PSMC2: variants seen among roughly 807,000 people sequenced by gnomAD.
PSMC2 encodes the protein 26S proteasome regulatory subunit 7.
In PSMC2, 7 loss-of-function variants were observed where a neutral mutation model predicts 53.3. The ratio of observed to expected loss-of-function variants is 0.13; its 90% confidence interval spans 0.07 to 0.25. The LOEUF (loss-of-function observed/expected upper bound fraction) is 0.25, where lower values mean the gene tolerates loss of function less well. Ranked by LOEUF, PSMC2 falls within the 10% of genes least tolerant of loss-of-function variation. PSMC2 has a pLI of 1.00. For missense variants in PSMC2, 241 were observed against 544.0 expected, an observed-to-expected ratio of 0.44 and a Z score of 5.54; for synonymous variants, 169 against 183.9, an observed-to-expected ratio of 0.92 and a Z score of 0.66.
At chr7:103,350,593 A>G (rs981021349) in intron 1 of PSMC2, among the ~76,000 whole-genome samples, 4 of 151,996 alleles carry the variant, frequency 2.6e-5, no homozygotes, top group Non-Finnish European at 5.9e-5. Flanking sequence ...GGCTAAAACC[A>G]TTCTCCTGCC....
chr7:103,367,887 T>G lies in PSMC2; in HGVS notation c.1145-10T>G. ...TAATTAAGCCCGTTTATTTTCTTTT[T>G]GTTTGAAAGGTGCTGAGATTAGAAG... On this transcript the variant is annotated splice_polypyrimidine_tract_variant and intron_variant, in intron 11 of 11. Transcript: ENST00000292644. The surrounding 1 kb of genome is among the most constrained non-coding windows in gnomAD (Gnocchi z 6.1). 1.9e-6 allele frequency: 3 copies of G among 1,611,682 alleles called. No homozygotes were observed. Among genetic ancestry groups the G allele is most frequent in the Non-Finnish European group, 2.5e-6 (3 of 1,179,082 alleles).
intron 1 of PSMC2, chr7:103,348,772 G>A (rs879097796): frequency 9.9e-7 from 1 of 1,010,966 alleles, no homozygotes; most frequent in Non-Finnish European, 1.6e-6. Flanking sequence ...GTTGGACTAA[G>A]TGATCTTCCT....
rs764475256 is a variant in PSMC2 at position 103,355,678 on chromosome 7, A to T, written c.191-16A>T. ...GCATTACATTTTAGTAAATTTTGTC[A>T]TCTTTCTCTATGTAGGTATTAAAGA... On this transcript the variant is annotated splice_polypyrimidine_tract_variant and intron_variant, in intron 3 of 11. Transcript: ENST00000292644. The T allele has an allele frequency of 1.3e-6, 2 of 1,596,348 alleles. No homozygotes were observed. The highest frequency in any genetic ancestry group is 2.2e-5 in the South Asian group (2 of 90,664).
intron 4 of PSMC2, among the ~76,000 whole-genome samples, chr7:103,357,324 C>G (rs1820092613): frequency 7.4e-6 from 1 of 135,392 alleles, no homozygotes; most frequent in Admixed American, 7.7e-5. Flanking sequence ...GATACTCTGT[C>G]TCAAAAAAAA....
At chr7:103,356,857 A>C (rs1820063775) in intron 4 of PSMC2, among the ~76,000 whole-genome samples, 1 of 152,180 alleles carries the variant, frequency 6.6e-6, no homozygotes, top group African/African-American at 2.4e-5. Flanking sequence ...CAAGGCTATA[A>C]ACATATTCTC....
intron 1 of PSMC2, chr7:103,352,739 T>C: frequency 1.4e-6 from 1 of 734,248 alleles, no homozygotes; most frequent in South Asian, 1.5e-5. Flanking sequence ...GGTAGATTCA[T>C]TTTTTCTTTA....
intron 6 of PSMC2, 36 bp downstream of exon 6, chr7:103,362,794 CTTT>C (rs368268286): frequency 0.014 from 11,625 of 818,636 alleles, no homozygotes; most frequent in East Asian, 0.018. Context: ...AAGGCTATGT[CTTT>C]TTTTTTTTTT....
chr7:103,362,878 C>T, intron 6 of PSMC2, 120 bp downstream of exon 6: 1 of 734,032 alleles, frequency 1.4e-6, no homozygotes, highest in East Asian at 2.8e-5. Context: ...ACTGCAACCT[C>T]TGCCTCCCGG....
intron 1 of PSMC2, chr7:103,348,811 A>G (rs1202075262): frequency 4.1e-6 from 3 of 728,978 alleles, no homozygotes; most frequent in East Asian, 2.6e-5. Flanking sequence ...CATCTACCCA[A>G]TGGAAAACCA....
In PSMC2 at chr7:103,367,529, A is replaced by G; in HGVS notation, c.961A>G (p.Thr321Ala). The G allele has an allele frequency of 6.2e-7, 1 of 1,614,178 alleles. No homozygotes were observed. The highest frequency in any genetic ancestry group is 8.5e-7 in the Non-Finnish European group (1 of 1,180,028). ...AGGCAATATTAAAGTGCTGATGGCC[A>G]CTAACAGACCTGATACTTTGGATCC... is the stretch of plus-strand genomic sequence containing the variant. ...PRGNIKVLMA[T>A]NRPDTLDPAL... The change falls in exon 10 of 12, where the codon ACT becomes GCT. Residue 321 changes from threonine (T) to alanine (A), a missense_variant. Physicochemically the swap from Thr to Ala is moderately conservative, Grantham distance 58. Coordinates refer to ENST00000292644, the MANE Select transcript of PSMC2 (RefSeq NM_002803.4). This position sits in a 1 kb window ranked among gnomAD's most constrained non-coding sequence, Gnocchi z 6.1.
chr7:103,353,041 TA>T (rs1819813767), intron 1 of PSMC2: 2 of 767,986 alleles, frequency 2.6e-6, no homozygotes, highest in South Asian at 1.4e-5. Flanking sequence ...GGATTACAAA[TA>T]AATTTGAGCA....
At chr7:103,347,885 C>A in intron 1 of PSMC2, 104 bp downstream of exon 1, 2 of 1,250,322 alleles carry the variant, frequency 1.6e-6, no homozygotes, top group Non-Finnish European at 2.3e-6. Context: ...TGTGCTCTGG[C>A]CCTTTTGTGC....
At chr7:103,361,510 CAAAAAAA>C (rs759044767) in intron 4 of PSMC2, among the ~76,000 whole-genome samples, 15 of 51,104 alleles carry the variant, frequency 2.9e-4, no homozygotes, top group African/African-American at 7.1e-4. Context: ...AACTCCATCT[CAAAAAAA>C]AAAAAAAAAA....
In PSMC2 at chr7:103,358,696, T is replaced by TG. The variant is rs1820183376; in HGVS notation, c.290+2903_290+2904insG. 2.0e-5 allele frequency among the ~76,000 whole-genome samples: 3 copies of TG among 152,230 alleles called. No individual in the cohort carries two copies. In the South Asian group the frequency reaches 6.2e-4, roughly 32 times the overall value. ...GTGTGTTGAATGTTCTGCTCTTATA[T>TG]CATGGTTGTAATATGTTCTTATCTC... On this transcript the variant is annotated intron_variant, in intron 4 of 11. Coordinates refer to ENST00000292644, the MANE Select transcript of PSMC2 (RefSeq NM_002803.4).
At chr7:103,360,453 A>G (rs1166870903) in intron 4 of PSMC2, among the ~76,000 whole-genome samples, 1 of 152,114 alleles carries the variant, frequency 6.6e-6, no homozygotes, top group Admixed American at 6.5e-5. Flanking sequence ...TTATGCTATC[A>G]GGACAAAGCA....
intron 5 of PSMC2, chr7:103,362,411 GTC>G (rs1820463715): frequency 7.5e-7 from 1 of 1,341,688 alleles, no homozygotes; most frequent in Non-Finnish European, 9.5e-7. Flanking sequence ...GTGTGTTAAT[GTC>G]TATAGAATAC....
In PSMC2 at chr7:103,365,701, G is replaced by T. The variant is rs539341434; in HGVS notation, c.757-375G>T. On this transcript the variant is annotated intron_variant, in intron 8 of 11. Transcript: ENST00000292644. ...TCCCAGCACTTTGGGAGGCTGAGAC[G>T]GGTGGAACATGAGGTCAGGAGTTCA... Among the ~76,000 whole-genome samples the T allele has an allele frequency of 8.5e-4, 130 of 152,174 alleles. 1 individual carries two copies. The South Asian group carries it at 0.026, about 30-fold the overall frequency.
At chr7:103,350,793 AG>A (rs1406456197) in intron 1 of PSMC2, among the ~76,000 whole-genome samples, 1 of 151,986 alleles carries the variant, frequency 6.6e-6, no homozygotes, top group Non-Finnish European at 1.5e-5. Flanking sequence ...CTACCATGCC[AG>A]GCTCTTATTT....
intron 8 of PSMC2, 27 bp from the exon 9 acceptor site, chr7:103,366,049 G>A: frequency 6.4e-7 from 1 of 1,563,282 alleles, no homozygotes; most frequent in Non-Finnish European, 8.7e-7. Flanking sequence ...AACCAATTTT[G>A]AATTAATAAA....
Sources: allele counts gnomAD v4.1 joint callset (sites outside exome capture counted in the v4.1 genomes callset), GRCh38; gene constraint gnomAD v4.1.1; non-coding constraint Gnocchi (gnomAD v3.1); transcripts MANE v1.5; gene names NCBI Gene and HGNC (gene_info 2026-07-23, HGNC 2026-07-21).